Variants in RAF1 observed in about 807,000 individuals in gnomAD.
RAF1 encodes Raf-1 proto-oncogene, serine/threonine kinase.
Under a neutral mutation model 81.1 loss-of-function variants are expected in RAF1, and 27 were observed. The ratio of observed to expected loss-of-function variants is 0.33; its 90% confidence interval spans 0.25 to 0.46. The LOEUF (loss-of-function observed/expected upper bound fraction) is 0.46, where lower values mean the gene tolerates loss of function less well. Among genes scored for constraint, RAF1 ranks in the 20% least tolerant of loss-of-function variants. The pLI is 1.00. For synonymous variants in RAF1, 298 were observed against 294.0 expected, an observed-to-expected ratio of 1.01 and a Z score of -0.14; for missense variants, 598 against 826.0, an observed-to-expected ratio of 0.72 and a Z score of 3.38.
intron 1 of RAF1, among the ~76,000 whole-genome samples, chr3:12,627,877 T>C (rs1374327171): frequency 2.0e-5 from 3 of 152,220 alleles, no homozygotes; most frequent in African/African-American, 4.8e-5. Flanking sequence ...CCTAGCACTA[T>C]GGGAGGCCGA....
chr3:12,596,707 G>A (rs1175344136), intron 11 of RAF1, among the ~76,000 whole-genome samples: 2 of 152,122 alleles, frequency 1.3e-5, no homozygotes, highest in East Asian at 3.9e-4. Flanking sequence ...ATACTGAACA[G>A]ATATACTGTA....
chr3:12,648,309 C>T (rs1295341136), intron 1 of RAF1, among the ~76,000 whole-genome samples: 1 of 140,730 alleles, frequency 7.1e-6, no homozygotes, highest in Non-Finnish European at 1.5e-5. Flanking sequence ...AAAAAAGCTA[C>T]ATAATGAAGT....
chr3:12,596,570 A>T (rs748511689), intron 11 of RAF1, among the ~76,000 whole-genome samples: 17 of 152,104 alleles, frequency 1.1e-4, no homozygotes, highest in Non-Finnish European at 2.2e-4. Context: ...AAATATGTTG[A>T]GTTTTAAATC....
chr3:12,585,863 A>T, intron 14 of RAF1, 64 bp from the exon 14 acceptor site: 1 of 1,130,222 alleles, frequency 8.8e-7, no homozygotes, highest in Non-Finnish European at 1.3e-6. Context: ...AAAATATCCC[A>T]AAGTTCTTTA....
In RAF1 at chr3:12,618,649, A is replaced by T; in HGVS notation, c.73T>A (p.Ser25Thr). 6.2e-7 allele frequency: 1 copy of T among 1,614,216 alleles called. No homozygotes were observed. Among genetic ancestry groups the T allele is most frequent in the Non-Finnish European group, 8.5e-7 (1 of 1,180,050 alleles). ...ACTATTGTAGGAGAGATGCAGCTGG[A>T]GCCATCAAACACGGCATCTTTGAAT... The change falls in exon 2 of 18, where the codon TCC (serine) becomes ACC (threonine). Residue 25 changes from serine to threonine, a missense_variant. Ser to Thr is a moderately conservative substitution (Grantham distance 58). Coordinates refer to ENST00000442415, the MANE Select transcript of RAF1 (RefSeq NM_001354689.3).
At chr3:12,661,750 G>T (rs1273110279) in intron 1 of RAF1, among the ~76,000 whole-genome samples, 1 of 152,002 alleles carries the variant, frequency 6.6e-6, no homozygotes, top group Non-Finnish European at 1.5e-5. Context: ...TAGTAGGAGA[G>T]TGTTCTACAT....
intron 1 of RAF1, among the ~76,000 whole-genome samples, chr3:12,636,356 G>A (rs181500649): frequency 6.6e-6 from 1 of 150,940 alleles, no homozygotes; most frequent in Admixed American, 6.6e-5. Flanking sequence ...GCTGAGAAAT[G>A]AGAATCACTT....
intron 1 of RAF1, among the ~76,000 whole-genome samples, chr3:12,619,700 T>C (rs1559449977): frequency 6.6e-6 from 1 of 152,106 alleles, no homozygotes; most frequent in African/African-American, 2.4e-5. Context: ...ATTAGTACTA[T>C]GAGAAATACC....
chr3:12,590,682 G>T, intron 13 of RAF1, 116 bp downstream of exon 12: 2 of 1,220,426 alleles, frequency 1.6e-6, no homozygotes, highest in Non-Finnish European at 2.4e-6. Flanking sequence ...CCAGAGGCTT[G>T]TGCAAAGATA....
At chr3:12,637,998 T>C (rs1220047647) in intron 1 of RAF1, among the ~76,000 whole-genome samples, 1 of 152,150 alleles carries the variant, frequency 6.6e-6, no homozygotes. Context: ...AAACAGGACC[T>C]CCCCTGACCA....
intron 5 of RAF1, chr3:12,608,517 A>G (rs1275222104): frequency 1.9e-6 from 1 of 535,700 alleles, no homozygotes; most frequent in East Asian, 3.2e-5. Flanking sequence ...TTACTGAATC[A>G]CAGTCACAGT....
intron 1 of RAF1, among the ~76,000 whole-genome samples, chr3:12,647,547 T>C (rs1252709795): frequency 6.6e-6 from 1 of 152,054 alleles, no homozygotes; most frequent in African/African-American, 2.4e-5. Flanking sequence ...TGAGCCATGA[T>C]TGTGCCACTG....
intron 1 of RAF1, among the ~76,000 whole-genome samples, chr3:12,625,377 CCAGA>C (rs964847134): frequency 6.6e-6 from 1 of 152,112 alleles, no homozygotes; most frequent in African/African-American, 2.4e-5. Flanking sequence ...GCTACTGTGC[CCAGA>C]CAGATTTGTA....
chr3:12,648,495 C>T (rs1301194224), intron 1 of RAF1, among the ~76,000 whole-genome samples: 1 of 152,156 alleles, frequency 6.6e-6, no homozygotes, highest in African/African-American at 2.4e-5. Flanking sequence ...ATTCATTCTA[C>T]ACACTGGCAT....
At chr3:12,591,257 G>A (rs2058506578) in intron 12 of RAF1, among the ~76,000 whole-genome samples, 1 of 152,094 alleles carries the variant, frequency 6.6e-6, no homozygotes, top group Non-Finnish European at 1.5e-5. Flanking sequence ...CTCCTGTGGA[G>A]GTCACAAGGA....
intron 1 of RAF1, among the ~76,000 whole-genome samples, chr3:12,660,700 G>A (rs1436430721): frequency 6.6e-6 from 1 of 152,136 alleles, no homozygotes; most frequent in Non-Finnish European, 1.5e-5. Flanking sequence ...ATATCAGCCA[G>A]GCACAGTGGC....
chr3:12,598,155 A>G (rs1479427115), intron 11 of RAF1, among the ~76,000 whole-genome samples: 1 of 151,476 alleles, frequency 6.6e-6, no homozygotes. Context: ...AGTAGCTGGG[A>G]CTACAGGCGA....
intron 2 of RAF1, among the ~76,000 whole-genome samples, chr3:12,615,041 G>T (rs1301621199): frequency 6.6e-6 from 1 of 152,172 alleles, no homozygotes; most frequent in Non-Finnish European, 1.5e-5. Flanking sequence ...AAATGTAGCT[G>T]GCATTAGAAT....
intron 11 of RAF1, among the ~76,000 whole-genome samples, chr3:12,595,693 C>T (rs1436139210): frequency 6.6e-6 from 1 of 152,034 alleles, no homozygotes; most frequent in Non-Finnish European, 1.5e-5. Flanking sequence ...CACCACCCAC[C>T]CTCGCCCTCC....
Sources: gnomAD v4.1 joint callset for allele counts (sites outside exome capture counted in the v4.1 genomes callset) on GRCh38, gnomAD v4.1.1 for gene constraint, MANE v1.5 for transcripts, NCBI Gene and HGNC (gene_info 2026-07-23, HGNC 2026-07-21) for gene names.